Variants in MPHOSPH9 observed in about 807,000 individuals in gnomAD.
MPHOSPH9 encodes M-phase phosphoprotein 9.
MPHOSPH9 carries 88 observed loss-of-function variants against 145.5 expected under a neutral mutation model. That is an observed-to-expected ratio of 0.60 (90% CI 0.51 to 0.72). The LOEUF is 0.72. Ranked by LOEUF, MPHOSPH9 falls within the 30% of genes least tolerant of loss-of-function variation. The pLI is 0.00. For missense variants in MPHOSPH9, 1,238 were observed against 1,386.6 expected, an observed-to-expected ratio of 0.89 and a Z score of 1.70; for synonymous variants, 435 against 486.2, an observed-to-expected ratio of 0.89 and a Z score of 1.39.
intron 1 of MPHOSPH9, among the ~76,000 whole-genome samples, chr12:123,243,627 C>G (rs185841318): frequency 6.6e-6 from 1 of 152,150 alleles, no homozygotes; most frequent in African/African-American, 2.4e-5. Context: ...ATCACTTGAA[C>G]CCAGGAGGCG....
At chr12:123,170,148 C>CT (rs879546815) in intron 16 of MPHOSPH9, among the ~76,000 whole-genome samples, 72 of 140,710 alleles carry the variant, frequency 5.1e-4, no homozygotes, top group Admixed American at 5.0e-4. Context: ...CCACACCCAG[C>CT]TTTTTTTTTT....
chr12:123,225,020 T>G (rs1451495020), intron 3 of MPHOSPH9, among the ~76,000 whole-genome samples: 2 of 152,222 alleles, frequency 1.3e-5, no homozygotes, highest in Non-Finnish European at 2.9e-5. Context: ...TGTAAATTTT[T>G]TATTTCTCCT....
rs1179430373 is a variant in MPHOSPH9 at position 123,162,932 on chromosome 12, G to C, written c.3029+82C>G. On this transcript the variant is annotated intron_variant, in intron 20 of 23. Transcript: ENST00000606320. ...GTTCCCACTGGTAACTGAAAAATTA[G>C]TGATAGCTAGAGACATAAGTCAACA... 9.1e-6 allele frequency: 12 copies of C among 1,323,736 alleles called. No individual in the cohort carries two copies. In the Admixed American group the frequency reaches 3.7e-4, roughly 41 times the overall value. 82.0% of individuals were successfully genotyped at this position (1,323,736 alleles called of 1,614,324 possible).
rs1423062288 is a variant in MPHOSPH9 at position 123,156,664 on chromosome 12, T to C, written c.*143A>G. The C allele has an allele frequency of 1.2e-5, 6 of 495,200 alleles. No individual in the cohort carries two copies. In the East Asian group the frequency reaches 1.5e-4, roughly 13 times the overall value. 30.7% of individuals were successfully genotyped at this position (495,200 alleles called of 1,614,324 possible). On this transcript the variant is annotated 3_prime_UTR_variant, in exon 24 of 24. Coordinates refer to ENST00000606320, the MANE Select transcript of MPHOSPH9 (RefSeq NM_022782.4). The stretch of plus-strand genomic sequence containing the variant: ...TGAAAATATGTGGCCATTTGAAGTA[T>C]AAAATAGCAAGTGTAAGAATAGCAT...
intron 19 of MPHOSPH9, 125 bp downstream of exon 19, chr12:123,163,825 T>A: frequency 9.1e-7 from 1 of 1,100,056 alleles, no homozygotes; most frequent in Non-Finnish European, 1.3e-6. Flanking sequence ...GGTCCTCTGC[T>A]CAGAGTACTC....
chr12:123,169,330 C>T (rs1025953436), intron 16 of MPHOSPH9, among the ~76,000 whole-genome samples: 3 of 151,016 alleles, frequency 2.0e-5, no homozygotes, highest in African/African-American at 4.8e-5. Context: ...CCCGTCTCTA[C>T]TAAAAATGCA....
rs2047476093 is a variant in MPHOSPH9, at chr12:123,227,450, CA to C, written c.258+12del. The C allele has an allele frequency of 7.6e-6, 11 of 1,440,632 alleles. No homozygotes were observed. The highest frequency in any genetic ancestry group is 5.1e-5 in the East Asian group (2 of 39,526). 89.2% of individuals were successfully genotyped at this position (1,440,632 alleles called of 1,614,324 possible). A position where few individuals can be genotyped will look rare whatever the true frequency, so the allele number is the denominator to read the frequency against. ...TTATTTTAAAATTCCAAAAATAAAA[CA>C]AAATTAGATACCTCACAGTTTTTCC... is the stretch of plus-strand genomic sequence containing the variant. On this transcript the variant is annotated intron_variant, in intron 3 of 23. Coordinates refer to ENST00000606320, the MANE Select transcript of MPHOSPH9 (RefSeq NM_022782.4).
rs1025791628 is a variant in MPHOSPH9, at chr12:123,221,807, T to C, written c.437A>G (p.Gln146Arg). 6.2e-6 allele frequency: 10 copies of C among 1,613,822 alleles called. No individual in the cohort carries two copies. In the African/African-American group the frequency reaches 1.3e-4, roughly 22 times the overall value. The change falls in exon 5 of 24, where the codon CAA (glutamine) becomes CGA (arginine). Residue 146 changes from glutamine to arginine, a missense_variant. Around this residue, in one of 3 missense-constraint regions of MPHOSPH9, gnomAD observed 837 missense variants for 897.5 expected, o/e 0.93. Transcript: ENST00000606320. Reference sequence around the variant, plus strand: ...ACCCATTTGACTTTCCGAAGATACTTGTTTGTTTGAAGAATTTCCTTCACA... The same window carrying C: ...ACCCATTTGACTTTCCGAAGATACTCGTTTGTTTGAAGAATTTCCTTCACA... ...ASCEGNSSNK[Q>R]VSSESQMGFF...
intron 16 of MPHOSPH9, among the ~76,000 whole-genome samples, chr12:123,176,228 T>A (rs556769225): frequency 6.6e-6 from 1 of 152,242 alleles, no homozygotes; most frequent in East Asian, 1.9e-4. Context: ...AATGTTGAGA[T>A]TATAGCCAAG....
chr12:123,175,116 T>C (rs1490413158), intron 16 of MPHOSPH9, among the ~76,000 whole-genome samples: 1 of 152,054 alleles, frequency 6.6e-6, no homozygotes, highest in Admixed American at 6.6e-5. Context: ...ATAAAAACCT[T>C]CAAAGGCTTC....
intron 16 of MPHOSPH9, among the ~76,000 whole-genome samples, chr12:123,167,954 C>CT (rs941865151): frequency 1.3e-4 from 20 of 152,216 alleles, no homozygotes; most frequent in Non-Finnish European, 2.9e-5. Flanking sequence ...TCAGAGGGTA[C>CT]TTGCTGGCTT....
intron 3 of MPHOSPH9, among the ~76,000 whole-genome samples, chr12:123,224,443 T>C (rs372987100): frequency 6.6e-6 from 1 of 151,992 alleles, no homozygotes; most frequent in Non-Finnish European, 1.5e-5. Flanking sequence ...CGAATTTTCA[T>C]ATTTTTTAGT....
intron 23 of MPHOSPH9, 60 bp from the exon 24 acceptor site, chr12:123,156,968 A>G: frequency 1.6e-6 from 2 of 1,240,400 alleles, no homozygotes; most frequent in South Asian, 2.8e-5. Context: ...TATAATCACC[A>G]CCAAACTGAC....
chr12:123,168,631 C>T (rs547159326), intron 16 of MPHOSPH9, among the ~76,000 whole-genome samples: 113 of 152,024 alleles, frequency 7.4e-4, no homozygotes, highest in Non-Finnish European at 1.3e-3. Context: ...TGTGCGCCAA[C>T]GCACCCGGCC....
chr12:123,210,666 T>G (rs1182494427), intron 7 of MPHOSPH9, among the ~76,000 whole-genome samples: 1 of 151,858 alleles, frequency 6.6e-6, no homozygotes, highest in Non-Finnish European at 1.5e-5. Context: ...CACTCCAGCC[T>G]GAGTGATAGA....
At chr12:123,178,401 G>A (rs1415444742) in intron 15 of MPHOSPH9, among the ~76,000 whole-genome samples, 2 of 152,206 alleles carry the variant, frequency 1.3e-5, no homozygotes, top group Non-Finnish European at 2.9e-5. Context: ...CAGCATTTCT[G>A]TTCTTCTCTA....
rs961649085 is a variant in MPHOSPH9 at position 123,167,104 on chromosome 12, GT to G, written c.2457-316del. Among the ~76,000 whole-genome samples the G allele has an allele frequency of 2.9e-3, 435 of 152,216 alleles. 9 individuals are homozygous for G. Among genetic ancestry groups the G allele is most frequent in the Non-Finnish European group, 1.8e-3 (120 of 68,018 alleles). ...TGCCCCTACTGTAGCTGAGGGTAAA[GT>G]GCTGAAGGAAGCAGGGCTGCCCTTC... On this transcript the variant is annotated intron_variant, in intron 16 of 23. Transcript: ENST00000606320.
In MPHOSPH9 at chr12:123,156,892, C is replaced by A; in HGVS notation, c.3467G>T (p.Arg1156Leu). 1 of 1,607,006 alleles carries A rather than the reference C, an allele frequency of 6.2e-7. No individual in the cohort carries two copies. Among genetic ancestry groups the A allele is most frequent in the Non-Finnish European group, 8.5e-7 (1 of 1,174,794 alleles). The change falls in exon 24 of 24, where the codon CGT becomes CTT. Residue 1156 changes from arginine to leucine, a missense_variant. Around this residue, in one of 3 missense-constraint regions of MPHOSPH9, gnomAD observed 393 missense variants for 462.5 expected, o/e 0.85. Transcript: ENST00000606320. ...TRLNQEALED[R>L]LERINRELGS... is the part of the protein sequence containing the mutation. ...CAGTTCTCGATTAATCCTTTCCAAA[C>A]GATCTTCCAAGGCTTCCTAGGTGAA...
At chr12:123,185,189 AG>A (rs1406482464) in intron 13 of MPHOSPH9, among the ~76,000 whole-genome samples, 1 of 152,192 alleles carries the variant, frequency 6.6e-6, no homozygotes, top group Non-Finnish European at 1.5e-5. Context: ...TGAAAACAAA[AG>A]CTTAACTCAG....
Sources: allele counts gnomAD v4.1 joint callset (sites outside exome capture counted in the v4.1 genomes callset), GRCh38; gene constraint gnomAD v4.1.1; regional missense constraint gnomAD v4.1.1; transcripts MANE v1.5; gene names NCBI Gene and HGNC (gene_info 2026-07-23, HGNC 2026-07-21).